Variants in IQSEC1 observed in about 807,000 individuals in gnomAD.
IQSEC1 encodes the protein IQ motif and Sec7 domain ArfGEF 1, also known as IQ motif and SEC7 domain-containing protein 1.
A neutral mutation model predicts 91.0 loss-of-function variants in IQSEC1; 31 were observed. The observed-to-expected ratio is 0.34, with a 90% CI of 0.26 to 0.46. The LOEUF (loss-of-function observed/expected upper bound fraction) is 0.46. IQSEC1 is among the 20% of genes least tolerant of loss of function. The pLI, the probability that IQSEC1 is intolerant of heterozygous loss-of-function variation, is 1.00. For missense variants in IQSEC1, 1,388 were observed against 1,575.6 expected (o/e 0.88, Z 2.02); for synonymous variants, 699 against 662.6 (o/e 1.05, Z -0.84).
chr3:13,196,493 G>A (rs1285760766), intron 1 of IQSEC1, among the ~76,000 whole-genome samples: 3 of 152,182 alleles, frequency 2.0e-5, no homozygotes, highest in Admixed American at 1.3e-4. Flanking sequence ...CTTCCTGAGC[G>A]CCTCTGAGAC....
At chr3:12,966,529 C>A (rs1484577033) in intron 1 of IQSEC1, among the ~76,000 whole-genome samples, 1 of 152,168 alleles carries the variant, frequency 6.6e-6, no homozygotes, top group Non-Finnish European at 1.5e-5. Context: ...ATATTCCCAG[C>A]ACATACACAC....
Position 13,140,633 on chromosome 3 carries a change from C to T in IQSEC1, c.302+23471G>A, listed in dbSNP as rs138103666. ...TGTTGCTACCAAAGGCCAGGGGGTG[C>T]CCAGACAGAGATGGGGCAATAAACA... On this transcript the variant is annotated intron_variant, in intron 2 of 15. Transcript: ENST00000648114. 9.2e-5 allele frequency among the ~76,000 whole-genome samples: 14 copies of T among 152,286 alleles called. No individual in the cohort carries two copies. The East Asian group carries it at 2.5e-3, about 27-fold the overall frequency.
At chr3:13,057,495 A>G (rs1704919290) in intron 1 of IQSEC1, among the ~76,000 whole-genome samples, 1 of 152,162 alleles carries the variant, frequency 6.6e-6, no homozygotes, top group South Asian at 2.1e-4. Context: ...AGCACCATAC[A>G]CATGCAGACA....
rs56102901 is a variant in IQSEC1 at position 13,015,644 on chromosome 3, G to C, written c.23+57348C>G. On this transcript the variant is annotated intron_variant, in intron 1 of 13. Transcript: ENST00000613206. ...GTGCCTGGCCTGCCTCTGCGGCCCC[G>C]GGGGATGAGCTGTGGGTCCATCCCC... 4 of 985,154 alleles carry C rather than the reference G, an allele frequency of 4.1e-6. No homozygotes were observed. In the South Asian group the frequency reaches 1.4e-4, roughly 35 times the overall value. The allele number at this position is 985,154 out of a possible 1,614,324, so 61.0% of individuals were successfully genotyped here.
intron 1 of IQSEC1, among the ~76,000 whole-genome samples, chr3:13,248,603 C>G (rs1695144452): frequency 6.6e-6 from 1 of 152,238 alleles, no homozygotes; most frequent in South Asian, 2.1e-4. Context: ...AGTCCTGCTC[C>G]CTCAGTACCC....
intron 1 of IQSEC1, among the ~76,000 whole-genome samples, chr3:13,229,484 G>A (rs1385542001): frequency 6.6e-6 from 1 of 152,178 alleles, no homozygotes; most frequent in African/African-American, 2.4e-5. Flanking sequence ...ATGCCCAATC[G>A]AGGCAGTAAT....
chr3:13,120,448 G>A (rs150856870), intron 2 of IQSEC1, among the ~76,000 whole-genome samples: 5 of 152,276 alleles, frequency 3.3e-5, no homozygotes, highest in East Asian at 1.9e-4. Context: ...TCTGCTGCCC[G>A]CAAGCTGTGT....
intron 1 of IQSEC1, among the ~76,000 whole-genome samples, chr3:13,050,961 G>C (rs913068687): frequency 2.0e-5 from 3 of 152,018 alleles, no homozygotes; most frequent in Admixed American, 1.3e-4. Flanking sequence ...TTATATATAT[G>C]AATATATGAG....
chr3:13,220,750 G>A (rs575942853), intron 1 of IQSEC1, among the ~76,000 whole-genome samples: 2 of 152,332 alleles, frequency 1.3e-5, no homozygotes, highest in Non-Finnish European at 2.9e-5. Flanking sequence ...CCCCAAGTGT[G>A]AAGGGCGATG....
intron 1 of IQSEC1, among the ~76,000 whole-genome samples, chr3:13,046,763 C>A (rs1477071247): frequency 6.6e-6 from 1 of 152,088 alleles, no homozygotes; most frequent in African/African-American, 2.4e-5. Flanking sequence ...CAGTCAACCT[C>A]TAGTCACCTC....
chr3:12,998,155 G>A (rs1439527134), intron 1 of IQSEC1, among the ~76,000 whole-genome samples: 1 of 152,210 alleles, frequency 6.6e-6, no homozygotes, highest in Non-Finnish European at 1.5e-5. Context: ...TTCAAGATCA[G>A]CCTAGGCAAC....
chr3:13,132,702 T>C (rs1190928760), intron 2 of IQSEC1, among the ~76,000 whole-genome samples: 1 of 152,244 alleles, frequency 6.6e-6, no homozygotes, highest in Non-Finnish European at 1.5e-5. Context: ...CATTGTCTGA[T>C]GTCCAGGGTG....
chr3:13,074,139 GAA>G (rs1418818794), upstream of IQSEC1, among the ~76,000 whole-genome samples: 1 of 152,220 alleles, frequency 6.6e-6, no homozygotes, highest in Non-Finnish European at 1.5e-5. Context: ...GGATCAGGAT[GAA>G]AAGAGAGCAG....
At chr3:13,094,332 C>A (rs1174384286) in intron 2 of IQSEC1, among the ~76,000 whole-genome samples, 1 of 152,038 alleles carries the variant, frequency 6.6e-6, no homozygotes, top group Non-Finnish European at 1.5e-5. Context: ...AGATGGAAGG[C>A]GAAGGCAAGG....
chr3:13,071,504 G>T (rs1195382305), intron 1 of IQSEC1, among the ~76,000 whole-genome samples: 2 of 152,198 alleles, frequency 1.3e-5, no homozygotes, highest in African/African-American at 4.8e-5. Context: ...GCAGGGAGGA[G>T]ACAGCTGTCT....
intron 1 of IQSEC1, among the ~76,000 whole-genome samples, chr3:13,049,631 C>A (rs360895): frequency 6.6e-6 from 1 of 151,972 alleles, no homozygotes; most frequent in Non-Finnish European, 1.5e-5. Flanking sequence ...AAATGTCAAC[C>A]CCTTTCTCTG....
At chr3:13,144,772 G>A (rs1353210298) in intron 2 of IQSEC1, among the ~76,000 whole-genome samples, 1 of 152,230 alleles carries the variant, frequency 6.6e-6, no homozygotes, top group African/African-American at 2.4e-5. Flanking sequence ...GCACGAAAAG[G>A]CCAGGACTGA....
rs574210852 is a variant in IQSEC1 at position 12,903,674 on chromosome 3, A to G, written c.2756-852T>C. ...CGGCCTGGCCCCGCCCAGCCTCCACAGTCCCTCCTGAGGACTTCTCCGTGG... is the reference window on the plus strand; with the variant it reads ...CGGCCTGGCCCCGCCCAGCCTCCACGGTCCCTCCTGAGGACTTCTCCGTGG... On this transcript the variant is annotated intron_variant, in intron 12 of 13. Transcript: ENST00000613206. Among the ~76,000 whole-genome samples, 4 of 152,216 alleles carry G rather than the reference A, an allele frequency of 2.6e-5. No homozygotes were observed. In the East Asian group the frequency reaches 7.7e-4, roughly 29 times the overall value.
At chr3:13,189,725 C>T (rs1046284732) in intron 1 of IQSEC1, among the ~76,000 whole-genome samples, 2 of 152,192 alleles carry the variant, frequency 1.3e-5, no homozygotes, top group African/African-American at 2.4e-5. Flanking sequence ...TGCCTCGCCA[C>T]TCTACCCTGC....
Sources: gnomAD v4.1 joint callset for allele counts (sites outside exome capture counted in the v4.1 genomes callset) on GRCh38, gnomAD v4.1.1 for gene constraint, MANE v1.5 for transcripts, NCBI Gene and HGNC (gene_info 2026-07-23, HGNC 2026-07-21) for gene names.